The following ZFAND2A variants were observed in gnomAD, a reference collection of about 807,000 sequenced individuals.
ZFAND2A encodes zinc finger AN1-type containing 2A, also known as AN1-type zinc finger protein 2A.
A neutral mutation model predicts 11.6 loss-of-function variants in ZFAND2A; 20 were observed. The observed-to-expected ratio is 1.72, with a 90% confidence interval of 1.21 to 2.50. ZFAND2A has a LOEUF of 2.50. Ranked by LOEUF, ZFAND2A falls within the 30% of genes most tolerant of loss-of-function variation. The pLI is 0.00. For missense variants in ZFAND2A, 234 were observed against 182.9 expected (o/e 1.28, Z -1.61); for synonymous variants, 93 against 60.6 (o/e 1.54, Z -2.48).
chr7:1,153,955 A>C (rs2128257577), intron 4 of ZFAND2A, among the ~76,000 whole-genome samples: 1 of 151,400 alleles, frequency 6.6e-6, no homozygotes, highest in Admixed American at 6.6e-5. Context: ...AAAAGAAAGA[A>C]AAAAAAAAGC....
chr7:1,157,989 T>C (rs1241586263), intron 2 of ZFAND2A, among the ~76,000 whole-genome samples, 169 bp downstream of exon 2: 1 of 152,192 alleles, frequency 6.6e-6, no homozygotes, highest in Admixed American at 6.6e-5. Flanking sequence ...CCTGCACTCC[T>C]GCACCCAGCC....
rs774938825 is a variant in ZFAND2A at position 1,155,540 on chromosome 7, T to A, written c.195A>T (p.Pro65=). The A allele has an allele frequency of 6.2e-7, 1 of 1,613,856 alleles. No homozygotes were observed. Among genetic ancestry groups the A allele is most frequent in the East Asian group, 2.2e-5 (1 of 44,872 alleles). ...CGTCTGGTATCTGGCCCTTTTTTAC[T>A]GGGATGGGGGTATTACAGAGTGGGC... The part of the protein sequence containing the change: ...PVCPLCNTPI[P]VKKGQIPDVV... Residue 65 remains proline (P), a synonymous_variant, in exon 4 of 5, where the codon CCA becomes CCT. Coordinates refer to ENST00000316495, the MANE Select transcript of ZFAND2A (RefSeq NM_182491.4).
At chr7:1,151,180 G>A (rs569855666), downstream of ZFAND2A, among the ~76,000 whole-genome samples, 5 of 152,192 alleles carry the variant, frequency 3.3e-5, no homozygotes, top group East Asian at 1.9e-4. Flanking sequence ...GAGCCACTGC[G>A]CCTGGCTGAA....
downstream of ZFAND2A, among the ~76,000 whole-genome samples, chr7:1,151,762 T>TTAAAAAAAAAAAA (rs1554344524): frequency 0.016 from 1,419 of 87,056 alleles, 42 homozygotes; most frequent in Middle Eastern, 0.026. Context: ...TCATCCCTTT[T>TTAAAAAAAAAAAA]AAAAAAAAAA....
downstream of ZFAND2A, among the ~76,000 whole-genome samples, chr7:1,149,195 T>C (rs1190285253): frequency 5.9e-5 from 9 of 152,202 alleles, no homozygotes; most frequent in African/African-American, 2.2e-4. Context: ...GATCTGCAGA[T>C]TCACAGTTCA....
chr7:1,153,279 G>C, intron 4 of ZFAND2A, 55 bp from the exon 5 acceptor site: 1 of 1,578,210 alleles, frequency 6.3e-7, no homozygotes, highest in South Asian at 1.2e-5. Context: ...ACAGGGTCTC[G>C]CTCTGTTGCC....
chr7:1,151,892 CCA>C (rs1281315764), downstream of ZFAND2A, among the ~76,000 whole-genome samples: 10 of 151,890 alleles, frequency 6.6e-5, no homozygotes, highest in Non-Finnish European at 1.2e-4. Flanking sequence ...TGGAAATAAC[CCA>C]CACGGCAGTG....
At position 1,153,234 on chromosome 7, in the gene ZFAND2A, C is replaced by T. The variant is rs769945041; in HGVS notation, c.283-10G>A. On this transcript the variant is annotated splice_polypyrimidine_tract_variant and intron_variant, in intron 4 of 4. Coordinates refer to ENST00000316495, the MANE Select transcript of ZFAND2A (RefSeq NM_182491.4). ...AACGGTATGTAAAAATCTAAGAGAG[C>T]AAAGTGACTTCAACAAGCAATTCTT... 3 of 1,607,548 alleles carry T rather than the reference C, an allele frequency of 1.9e-6. No homozygotes were observed. Among genetic ancestry groups the T allele is most frequent in the Non-Finnish European group, 8.5e-7 (1 of 1,174,466 alleles).
chr7:1,159,257 T>C (rs1326849100), intron 1 of ZFAND2A, among the ~76,000 whole-genome samples: 2 of 152,232 alleles, frequency 1.3e-5, no homozygotes, highest in East Asian at 3.9e-4. Context: ...TCACAAGAGT[T>C]TGATGTGAAT....
rs764390810 is a variant in ZFAND2A, at chr7:1,152,990, G to A, written c.*79C>T. On this transcript the variant is annotated 3_prime_UTR_variant, in exon 5 of 5. Transcript: ENST00000316495. ...GCCAGTGTGGGATGGTGCTCAATGG[G>A]GCTCCACTTCCCACTAGAGTGTAAG... 16 of 1,570,150 alleles carry A rather than the reference G, an allele frequency of 1.0e-5. No homozygotes were observed. The highest frequency in any genetic ancestry group is 1.2e-5 in the Non-Finnish European group (14 of 1,149,386).
intron 2 of ZFAND2A, 74 bp from the exon 3 acceptor site, chr7:1,157,824 T>A: frequency 8.5e-7 from 1 of 1,172,880 alleles, no homozygotes; most frequent in Non-Finnish European, 1.2e-6. Context: ...TCAAAGTGTT[T>A]ACCTACACTA....
downstream of ZFAND2A, among the ~76,000 whole-genome samples, chr7:1,150,115 A>C (rs1232503279): frequency 6.6e-6 from 1 of 152,172 alleles, no homozygotes; most frequent in East Asian, 1.9e-4. Context: ...AATATGTACA[A>C]TTATGTCAAT....
At chr7:1,150,089 C>G (rs1312723028), downstream of ZFAND2A, among the ~76,000 whole-genome samples, 1 of 151,750 alleles carries the variant, frequency 6.6e-6, no homozygotes, top group East Asian at 1.9e-4. Flanking sequence ...CTCCAAATAC[C>G]ACAATGTACC....
chr7:1,158,614 ACT>A (rs1156773578), intron 1 of ZFAND2A, among the ~76,000 whole-genome samples: 1 of 152,100 alleles, frequency 6.6e-6, no homozygotes, highest in African/African-American at 2.4e-5. Flanking sequence ...CATAAACAAA[ACT>A]CTGTTACTAG....
downstream of ZFAND2A, chr7:1,152,283 C>T (rs1430101138): frequency 6.3e-7 from 1 of 1,584,580 alleles, no homozygotes; most frequent in South Asian, 1.2e-5. Flanking sequence ...GCCAGCCCGC[C>T]AGGAGCCAGG....
chr7:1,155,668 AC>A (rs1793509672), intron 3 of ZFAND2A, 84 bp from the exon 4 acceptor site: 1 of 1,520,454 alleles, frequency 6.6e-7, no homozygotes, highest in Non-Finnish European at 8.9e-7. Context: ...CCTGTGCGGC[AC>A]ACTTAAACAC....
At chr7:1,155,336 CTTCTT>C in intron 4 of ZFAND2A, 112 bp downstream of exon 4, 8 of 1,450,868 alleles carry the variant, frequency 5.5e-6, no homozygotes, top group Non-Finnish European at 7.4e-6. Flanking sequence ...CGTTAGGACT[CTTCTT>C]TTCTACTTTG....
intron 4 of ZFAND2A, 47 bp from the exon 5 acceptor site, chr7:1,153,271 A>C (rs766164874): frequency 2.5e-6 from 4 of 1,591,738 alleles, no homozygotes; most frequent in African/African-American, 2.7e-5. Flanking sequence ...TTTTGGAGAC[A>C]GGGTCTCGCT....
chr7:1,158,346 A>G (rs1246548119), intron 1 of ZFAND2A, 89 bp from the exon 2 acceptor site: 1 of 808,858 alleles, frequency 1.2e-6, no homozygotes, highest in Non-Finnish European at 2.1e-6. Context: ...ATGAAAGTCA[A>G]CAAACGCACT....
Sources: allele counts gnomAD v4.1 joint callset (sites outside exome capture counted in the v4.1 genomes callset), GRCh38; gene constraint gnomAD v4.1.1; transcripts MANE v1.5; gene names NCBI Gene and HGNC (gene_info 2026-07-23, HGNC 2026-07-21).